DNMT3A: variants seen among roughly 807,000 people sequenced by gnomAD.
DNMT3A encodes DNA (cytosine-5)-methyltransferase 3A.
In DNMT3A, 267 loss-of-function variants were observed where a neutral mutation model predicts 117.6. The observed-to-expected ratio is 2.27, with a 90% confidence interval of 2.05 to 2.51. DNMT3A has a LOEUF of 2.51. DNMT3A is among the 30% of genes most tolerant of loss of function. The pLI is 0.00. For synonymous variants in DNMT3A, 432 were observed against 474.8 expected, an observed-to-expected ratio of 0.91 and a Z score of 1.17; for missense variants, 1,029 against 1,260.2, an observed-to-expected ratio of 0.82 and a Z score of 2.78.
intron 3 of DNMT3A, among the ~76,000 whole-genome samples, chr2:25,292,664 C>T (rs1279971650): frequency 1.3e-5 from 2 of 152,184 alleles, no homozygotes; most frequent in African/African-American, 4.8e-5. Flanking sequence ...GTCCTAATCT[C>T]TTTAGCCTGT....
rs1431201599 is a variant in DNMT3A at position 25,300,690 on chromosome 2, TATTTATATATCTAAATAATATA to T, written c.73-469_73-448del. On this transcript the variant is annotated intron_variant, in intron 2 of 22. Coordinates refer to ENST00000321117, the MANE Select transcript of DNMT3A (RefSeq NM_022552.5). ...TTATTTAGATATATATTTAGATATA[TATTTATATATCTAAATAATATA>T]ATATATATATATATATATATATATA... 1.1e-3 allele frequency among the ~76,000 whole-genome samples: 92 copies of T among 83,322 alleles called. 1 individual carries two copies. Among genetic ancestry groups the T allele is most frequent in the Non-Finnish European group, 1.8e-3 (77 of 42,710 alleles). 54.7% of individuals were successfully genotyped at this position (83,322 alleles called of 152,430 possible).
chr2:25,246,558 C>A, intron 10 of DNMT3A, 62 bp downstream of exon 10: 1 of 1,561,688 alleles, frequency 6.4e-7, no homozygotes, highest in Admixed American at 1.9e-5. Context: ...ATGGCTTTCC[C>A]AGCCCTGGTG....
Position 25,325,710 on chromosome 2 carries a change from T to C in DNMT3A, c.-177-11549A>G, listed in dbSNP as rs141794497. On this transcript the variant is annotated intron_variant, in intron 1 of 22. Coordinates refer to ENST00000321117, the MANE Select transcript of DNMT3A (RefSeq NM_022552.5). ...CTGAACTGACAGTGGAAAAAAGGAG[T>C]TATGCCACTGTCTGGAGTGATTGAT... Among the ~76,000 whole-genome samples the C allele has an allele frequency of 1.2e-3, 181 of 152,074 alleles. 2 individuals carry two copies. Among genetic ancestry groups the C allele is most frequent in the African/African-American group, 4.2e-3 (173 of 41,482 alleles).
At chr2:25,240,590 A>G (rs763011814) in intron 18 of DNMT3A, 50 bp downstream of exon 18, 2 of 1,609,704 alleles carry the variant, frequency 1.2e-6, no homozygotes, top group East Asian at 2.2e-5. Context: ...GAGGAAGCCT[A>G]TGTGCGGAAG....
intron 2 of DNMT3A, among the ~76,000 whole-genome samples, chr2:25,313,473 G>A (rs2034231970): frequency 6.6e-6 from 1 of 152,304 alleles, no homozygotes; most frequent in South Asian, 2.1e-4. Flanking sequence ...TGTCTGCCGT[G>A]CCCCACCCCA....
At chr2:25,242,968 C>T (rs1223369217) in intron 16 of DNMT3A, among the ~76,000 whole-genome samples, 2 of 152,090 alleles carry the variant, frequency 1.3e-5, no homozygotes, top group African/African-American at 2.4e-5. Flanking sequence ...AAATAAATTA[C>T]GGCACTTTGA....
intron 3 of DNMT3A, among the ~76,000 whole-genome samples, chr2:25,283,897 G>C (rs1558706354): frequency 6.6e-6 from 1 of 152,180 alleles, no homozygotes; most frequent in Non-Finnish European, 1.5e-5. Flanking sequence ...GGAACCTGAG[G>C]CTCTCTGGAA....
At position 25,337,539 on chromosome 2, in the gene DNMT3A, T is replaced by C. The variant is rs1392646825; in HGVS notation, c.-178+4287A>G. On this transcript the variant is annotated intron_variant, in intron 1 of 22. Coordinates refer to ENST00000321117, the MANE Select transcript of DNMT3A (RefSeq NM_022552.5). This position sits in a 1 kb window ranked among gnomAD's most constrained non-coding sequence, Gnocchi z 5.0. Reference sequence around the variant, plus strand: ...TGCCCAAGTTCCTGCCGCTGGGAGGTGTCAGAGTGCAGCTCCCTGTGACTC... The same window carrying C: ...TGCCCAAGTTCCTGCCGCTGGGAGGCGTCAGAGTGCAGCTCCCTGTGACTC... 6.6e-6 allele frequency among the ~76,000 whole-genome samples: 1 copy of C among 151,958 alleles called. No homozygotes were observed.
intron 6 of DNMT3A, 51 bp downstream of exon 6, chr2:25,274,890 G>C: frequency 2.5e-6 from 4 of 1,573,364 alleles, no homozygotes; most frequent in Non-Finnish European, 3.5e-6. Context: ...ATCACTTCTG[G>C]TTTTCCAGTT....
chr2:25,251,153 CGG>C (rs34583441), intron 6 of DNMT3A, among the ~76,000 whole-genome samples: 19,425 of 58,964 alleles, frequency 0.33, 2,778 homozygotes, highest in Non-Finnish European at 0.4. Context: ...AAGGAAGAAG[CGG>C]GGGGGGGGGT....
intron 6 of DNMT3A, among the ~76,000 whole-genome samples, chr2:25,260,209 G>A (rs142786692): frequency 1.3e-5 from 2 of 152,200 alleles, no homozygotes; most frequent in Non-Finnish European, 2.9e-5. Flanking sequence ...ATCTGTGTGG[G>A]AATCTCATCT....
chr2:25,271,264 C>T (rs961169538), intron 6 of DNMT3A, among the ~76,000 whole-genome samples: 6 of 152,226 alleles, frequency 3.9e-5, no homozygotes, highest in East Asian at 1.9e-4. Context: ...GGAGAATCGC[C>T]TCAACCCAGG....
In DNMT3A at chr2:25,235,732, TG is replaced by T. The variant is rs1673282514; in HGVS notation, c.2571del (p.Asp857GlufsTer24). On this transcript the variant is annotated frameshift_variant, in exon 22 of 23. Coordinates refer to ENST00000321117, the MANE Select transcript of DNMT3A (RefSeq NM_022552.5). LOFTEE classifies it high-confidence loss of function. The part of the protein sequence containing the change: ...HFPVFMNEKE[D>X]ILWCTEMERV... ...CTTTCCATTTCAGTGCACCATAAGA[TG>T]TCCTCTTTCTCATTCATGAAGACAG... The T allele has an allele frequency of 6.2e-7, 1 of 1,613,988 alleles. No individual in the cohort carries two copies. The highest frequency in any genetic ancestry group is 8.5e-7 in the Non-Finnish European group (1 of 1,179,986).
chr2:25,297,215 G>A (rs147691491), intron 3 of DNMT3A, among the ~76,000 whole-genome samples: 20 of 152,266 alleles, frequency 1.3e-4, no homozygotes, highest in East Asian at 1.2e-3. Context: ...AGTCTTTCTC[G>A]GTTCCTCCAA....
At chr2:25,266,432 A>T (rs569705241) in intron 6 of DNMT3A, among the ~76,000 whole-genome samples, 2 of 151,130 alleles carry the variant, frequency 1.3e-5, no homozygotes, top group East Asian at 3.9e-4. Flanking sequence ...TTTCTCCTGA[A>T]CTAGACTAAA....
In DNMT3A at chr2:25,228,152, A is replaced by G. The variant is rs926377915; in HGVS notation, c.*6127T>C. On this transcript the variant is annotated 3_prime_UTR_variant, in exon 23 of 23. Coordinates refer to ENST00000321117, the MANE Select transcript of DNMT3A (RefSeq NM_022552.5). ...GCCCTTCCCTGAATGTCCTAGAACC[A>G]GACTGTGAAATGTACATTATTATTG... is the stretch of plus-strand genomic sequence containing the variant. 1.4e-5 allele frequency: 2 copies of G among 141,858 alleles called. No homozygotes were observed. The highest frequency in any genetic ancestry group is 5.2e-5 in the African/African-American group (2 of 38,504). The allele number at this position is 141,858 out of a possible 1,614,324, so 8.8% of individuals were successfully genotyped here.
In DNMT3A at chr2:25,337,164, C is replaced by T. The variant is rs1463603974; in HGVS notation, c.-178+4662G>A. On this transcript the variant is annotated intron_variant, in intron 1 of 22. Coordinates refer to ENST00000321117, the MANE Select transcript of DNMT3A (RefSeq NM_022552.5). This position sits in a 1 kb window ranked among gnomAD's most constrained non-coding sequence, Gnocchi z 5.0. ...CAGCGGGAGGGATTTCAGGTGGAAG[C>T]AAAACAACCTGTTGACACGAGATTT... Among the ~76,000 whole-genome samples, 1 of 152,182 alleles carries T rather than the reference C, an allele frequency of 6.6e-6. No individual in the cohort carries two copies. Among genetic ancestry groups the T allele is most frequent in the Admixed American group, 6.5e-5 (1 of 15,286 alleles).
In DNMT3A at chr2:25,247,032, T is replaced by C. The variant is rs755971086; in HGVS notation, c.1122+19A>G. ...AGTGCTCTAGGCTCCTCCTCCGAGC[T>C]CCCAGCAGGGACACTCACCTGCAGG... On this transcript the variant is annotated intron_variant, in intron 9 of 22. Transcript: ENST00000321117. The surrounding 1 kb of genome is among the most constrained non-coding windows in gnomAD (Gnocchi z 5.6). 91 of 1,611,430 alleles carry C rather than the reference T, an allele frequency of 5.6e-5. No individual in the cohort carries two copies. Among genetic ancestry groups the C allele is most frequent in the Non-Finnish European group, 7.4e-5 (87 of 1,178,760 alleles).
chr2:25,247,848 G>A lies in DNMT3A; in HGVS notation c.856-99C>T. On this transcript the variant is annotated intron_variant, in intron 7 of 22. Transcript: ENST00000321117. This position sits in a 1 kb window ranked among gnomAD's most constrained non-coding sequence, Gnocchi z 5.6. The stretch of plus-strand genomic sequence containing the variant: ...CCCAGCCCTGGGCATCTGGGGGGCA[G>A]GACAGCCAGGAGGGAGCTCCATCTG... 6.5e-7 allele frequency: 1 copy of A among 1,549,552 alleles called. No individual in the cohort carries two copies. Among genetic ancestry groups the A allele is most frequent in the Non-Finnish European group, 8.7e-7 (1 of 1,151,824 alleles).
Sources: gnomAD v4.1 joint callset for allele counts (sites outside exome capture counted in the v4.1 genomes callset) on GRCh38, gnomAD v4.1.1 for gene constraint, Gnocchi (gnomAD v3.1) non-coding constraint, MANE v1.5 for transcripts, NCBI Gene and HGNC (gene_info 2026-07-23, HGNC 2026-07-21) for gene names.